Variants in LRRC4C observed in about 807,000 individuals in gnomAD.
LRRC4C encodes the protein leucine-rich repeat-containing protein 4C.
A neutral mutation model predicts 33.6 loss-of-function variants in LRRC4C; 5 were observed. The ratio of observed to expected loss-of-function variants is 0.15; its 90% confidence interval spans 0.08 to 0.31. LRRC4C has a LOEUF of 0.31. LRRC4C is among the 10% of genes least tolerant of loss of function. LRRC4C has a pLI of 1.00. For missense variants in LRRC4C, 560 were observed against 796.7 expected (o/e 0.70, Z 3.58); for synonymous variants, 329 against 302.0 (o/e 1.09, Z -0.93).
Position 41,159,061 on chromosome 11 carries a change from T to C in LRRC4C, c.-495-225338A>G, listed in dbSNP as rs562203407. 1.2e-4 allele frequency among the ~76,000 whole-genome samples: 19 copies of C among 152,038 alleles called. No individual in the cohort carries two copies. In the East Asian group the frequency reaches 3.5e-3, roughly 28 times the overall value. ...GTACTTTCGGAGGCTGAGGCAGAAA[T>C]GTTGCTTGAGGTCAGGAGTTCAAGA... On this transcript the variant is annotated intron_variant, in intron 1 of 6. Transcript: ENST00000528697.
intron 3 of LRRC4C, among the ~76,000 whole-genome samples, chr11:40,504,285 A>T (rs1465230520): frequency 3.9e-5 from 6 of 152,312 alleles, no homozygotes; most frequent in East Asian, 3.9e-4. Context: ...GAGTTTAAAG[A>T]CATAAAAATA....
chr11:40,922,640 A>G (rs554816602), intron 2 of LRRC4C, among the ~76,000 whole-genome samples: 1 of 152,326 alleles, frequency 6.6e-6, no homozygotes, highest in East Asian at 1.9e-4. Flanking sequence ...TATTTAAAAT[A>G]CCTGTAGTCT....
At position 40,167,363 on chromosome 11, in the gene LRRC4C, A is replaced by T. The variant is rs115863538; in HGVS notation, c.-95-26510T>A. ...GCATAGTCTCAAAATAATGGGATGA[A>T]GATAGTAATTAATAGCTATATTTAT... On this transcript the variant is annotated intron_variant, in intron 5 of 6. Transcript: ENST00000528697. Among the ~76,000 whole-genome samples, 1,359 of 152,274 alleles carry T rather than the reference A, an allele frequency of 8.9e-3. 28 individuals carry two copies. Among genetic ancestry groups the T allele is most frequent in the African/African-American group, 0.031 (1,305 of 41,542 alleles).
chr11:40,784,554 TA>T (rs1260678637), intron 2 of LRRC4C, among the ~76,000 whole-genome samples: 1 of 152,240 alleles, frequency 6.6e-6, no homozygotes, highest in African/African-American at 2.4e-5. Flanking sequence ...AGTAATTTTT[TA>T]TGTAATAAGT....
At chr11:41,072,549 C>T (rs1938783497) in intron 1 of LRRC4C, among the ~76,000 whole-genome samples, 3 of 151,920 alleles carry the variant, frequency 2.0e-5, no homozygotes. Context: ...TGTTTCCCTT[C>T]CCCTCTTCAG....
intron 1 of LRRC4C, among the ~76,000 whole-genome samples, chr11:41,243,139 T>G (rs1948318724): frequency 6.6e-6 from 1 of 152,196 alleles, no homozygotes; most frequent in Admixed American, 6.5e-5. Flanking sequence ...TATTTCTGAC[T>G]CTCTTATGTG....
At chr11:40,202,812 A>G (rs1315067041) in intron 5 of LRRC4C, among the ~76,000 whole-genome samples, 24 of 152,310 alleles carry the variant, frequency 1.6e-4, no homozygotes, top group African/African-American at 3.4e-4. Context: ...GGAAGCTGTT[A>G]GGCAAATTCA....
At chr11:41,446,952 T>G (rs1417949384) in intron 1 of LRRC4C, among the ~76,000 whole-genome samples, 2 of 152,076 alleles carry the variant, frequency 1.3e-5, no homozygotes, top group Non-Finnish European at 2.9e-5. Context: ...ATCACAAAAC[T>G]AAAGCAAAAA....
chr11:40,911,727 T>C (rs1297758349), intron 2 of LRRC4C, among the ~76,000 whole-genome samples: 2 of 152,140 alleles, frequency 1.3e-5, no homozygotes, highest in Non-Finnish European at 2.9e-5. Context: ...AGAAGAAGGC[T>C]TCAGACGATC....
intron 2 of LRRC4C, among the ~76,000 whole-genome samples, chr11:40,764,179 G>T (rs1171537346): frequency 6.6e-6 from 1 of 152,130 alleles, no homozygotes; most frequent in Non-Finnish European, 1.5e-5. Flanking sequence ...CCAGGCCCTA[G>T]CTCCTGAATA....
At chr11:40,340,277 A>T (rs921608188) in intron 3 of LRRC4C, among the ~76,000 whole-genome samples, 1 of 152,314 alleles carries the variant, frequency 6.6e-6, no homozygotes, top group East Asian at 1.9e-4. Context: ...GGTCAGAAAC[A>T]TGAGAAGTTC....
chr11:40,310,031 C>T (rs1945225768), intron 4 of LRRC4C, among the ~76,000 whole-genome samples: 1 of 152,142 alleles, frequency 6.6e-6, no homozygotes. Flanking sequence ...GTACTGCCTT[C>T]TTACTCACTA....
chr11:41,349,948 C>T (rs557746370), intron 1 of LRRC4C, among the ~76,000 whole-genome samples: 2 of 152,126 alleles, frequency 1.3e-5, no homozygotes, highest in African/African-American at 4.8e-5. Context: ...CATTGCTTTA[C>T]ATTTTTGCAA....
chr11:40,331,520 T>G (rs1946362088), intron 3 of LRRC4C, among the ~76,000 whole-genome samples: 1 of 152,168 alleles, frequency 6.6e-6, no homozygotes, highest in Non-Finnish European at 1.5e-5. Context: ...TGGATGGGCT[T>G]GGAGGATATT....
At chr11:40,620,188 T>C (rs1345418867) in intron 3 of LRRC4C, among the ~76,000 whole-genome samples, 2 of 151,626 alleles carry the variant, frequency 1.3e-5, no homozygotes, top group African/African-American at 4.8e-5. Context: ...TAGAAGATAA[T>C]GAGAGGAGTT....
chr11:40,494,629 C>G (rs1376624456), intron 3 of LRRC4C, among the ~76,000 whole-genome samples: 1 of 151,944 alleles, frequency 6.6e-6, no homozygotes, highest in African/African-American at 2.4e-5. Context: ...CAAGATTAAA[C>G]CACACATATA....
At chr11:40,843,751 T>G (rs1013887400) in intron 2 of LRRC4C, among the ~76,000 whole-genome samples, 6 of 152,178 alleles carry the variant, frequency 3.9e-5, no homozygotes, top group African/African-American at 1.2e-4. Context: ...TTTATCTCAC[T>G]TAAACATTGG....
chr11:41,014,726 A>G (rs1425304559), intron 1 of LRRC4C, among the ~76,000 whole-genome samples: 1 of 152,152 alleles, frequency 6.6e-6, no homozygotes, highest in Non-Finnish European at 1.5e-5. Flanking sequence ...GGACCAGGGC[A>G]AAGTGTAAGG....
At chr11:40,325,605 G>A (rs1412599008) in intron 3 of LRRC4C, among the ~76,000 whole-genome samples, 1 of 151,362 alleles carries the variant, frequency 6.6e-6, no homozygotes. Flanking sequence ...TGCACCCTGG[G>A]CAACAGAGCA....
Sources: allele counts gnomAD v4.1 joint callset (sites outside exome capture counted in the v4.1 genomes callset), GRCh38; gene constraint gnomAD v4.1.1; transcripts MANE v1.5; gene names NCBI Gene and HGNC (gene_info 2026-07-23, HGNC 2026-07-21).